Variants in PDE6B observed in about 807,000 individuals in gnomAD.
The protein encoded by PDE6B is rod cGMP-specific 3',5'-cyclic phosphodiesterase subunit beta.
A neutral mutation model predicts 109.0 loss-of-function variants in PDE6B; 106 were observed. The observed-to-expected ratio is 0.97, with a 90% confidence interval of 0.83 to 1.14. PDE6B has a LOEUF of 1.14. PDE6B is among the 50% of genes most tolerant of loss of function. PDE6B has a pLI of 0.00. For synonymous variants in PDE6B, 490 were observed against 471.3 expected (o/e 1.04, Z -0.51); for missense variants, 1,193 against 1,155.6 (o/e 1.03, Z -0.47).
At chr4:653,094 A>G (rs1735728048) in intron 3 of PDE6B, 2 of 779,230 alleles carry the variant, frequency 2.6e-6, no homozygotes, top group Admixed American at 6.2e-5. Context: ...GCAACAGGAG[A>G]GCCTGGTCCT....
intron 3 of PDE6B, among the ~76,000 whole-genome samples, chr4:645,722 T>C (rs886414987): frequency 1.3e-5 from 2 of 151,986 alleles, no homozygotes; most frequent in African/African-American, 4.8e-5. Flanking sequence ...CCTTCTCTGG[T>C]TTTAATTGAA....
intron 6 of PDE6B, 156 bp from the exon 7 acceptor site, chr4:655,784 C>G (rs996205643): frequency 5.8e-6 from 4 of 695,472 alleles, no homozygotes; most frequent in Admixed American, 2.0e-5. Context: ...TGCACACACA[C>G]GTGCAGCCCA....
rs903069114 is a variant in PDE6B at position 670,564 on chromosome 4, CTG to C, written c.*460_*461del. ...GCCTGTTTTTATAAACTGAAGCCAA[CTG>C]TGAATAAACTGTAGCCTACATTACT... is the stretch of plus-strand genomic sequence containing the variant. On this transcript the variant is annotated 3_prime_UTR_variant, in exon 22 of 22. Coordinates refer to ENST00000496514, the MANE Select transcript of PDE6B (RefSeq NM_000283.4). 3.1e-5 allele frequency: 7 copies of C among 225,112 alleles called. No homozygotes were observed. Among genetic ancestry groups the C allele is most frequent in the Admixed American group, 5.3e-5 (1 of 19,006 alleles). 13.9% of individuals were successfully genotyped at this position (225,112 alleles called of 1,614,324 possible).
chr4:626,119 A>G lies in PDE6B; in HGVS notation c.468+25A>G, dbSNP rs1157908484. 2 of 1,406,220 alleles carry G rather than the reference A, an allele frequency of 1.4e-6. No individual in the cohort carries two copies. Among genetic ancestry groups the G allele is most frequent in the African/African-American group, 1.4e-5 (1 of 70,622 alleles). 87.1% of individuals were successfully genotyped at this position (1,406,220 alleles called of 1,614,324 possible). ...GGTGGGTCTGTGCGGAGCCTCAGGG[A>G]GGCGGCTGTGTGCATCTCTTGCACC... On this transcript the variant is annotated intron_variant, in intron 1 of 21. Transcript: ENST00000496514. The surrounding 1 kb of genome is among the most constrained non-coding windows in gnomAD (Gnocchi z 4.6).
intron 10 of PDE6B, among the ~76,000 whole-genome samples, chr4:657,962 C>G (rs1362945358): frequency 1.5e-5 from 2 of 136,268 alleles, no homozygotes; most frequent in Non-Finnish European, 3.1e-5. Flanking sequence ...GGGGTCATGG[C>G]TGTGCAGCAG....
intron 12 of PDE6B, chr4:661,927 C>T (rs1265756732): frequency 1.6e-6 from 1 of 612,168 alleles, no homozygotes; most frequent in Non-Finnish European, 3.0e-6. Flanking sequence ...GGCTCCACCC[C>T]ATAGGTGCCA....
chr4:644,949 C>T (rs1445627825), intron 3 of PDE6B, among the ~76,000 whole-genome samples: 1 of 152,068 alleles, frequency 6.6e-6, no homozygotes, highest in Non-Finnish European at 1.5e-5. Context: ...CTTACAGCTC[C>T]ATCAGCTTTT....
intron 1 of PDE6B, among the ~76,000 whole-genome samples, chr4:634,356 G>A (rs1734535305): frequency 6.6e-6 from 1 of 152,194 alleles, no homozygotes; most frequent in Non-Finnish European, 1.5e-5. Context: ...CATCCAGGAA[G>A]CCCGACGTGG....
rs950872759 is a variant in PDE6B at position 633,758 on chromosome 4, G to A, written c.469-919G>A. On this transcript the variant is annotated intron_variant, in intron 1 of 21. Coordinates refer to ENST00000496514, the MANE Select transcript of PDE6B (RefSeq NM_000283.4). This position sits in a 1 kb window ranked among gnomAD's most constrained non-coding sequence, Gnocchi z 4.5. ...TCCGGAGCCGTCCACCTGGGTCACT[G>A]CCCCAGGGCACCCTGGCCTCATGTA... Among the ~76,000 whole-genome samples, 1 of 152,198 alleles carries A rather than the reference G, an allele frequency of 6.6e-6. No homozygotes were observed. The highest frequency in any genetic ancestry group is 1.5e-5 in the Non-Finnish European group (1 of 68,026).
At chr4:631,544 T>C (rs1734385098) in intron 1 of PDE6B, among the ~76,000 whole-genome samples, 1 of 151,924 alleles carries the variant, frequency 6.6e-6, no homozygotes, top group Non-Finnish European at 1.5e-5. Flanking sequence ...TTACATTGTG[T>C]GGATCCTTGT....
At chr4:654,387 C>T (rs1210302067) in intron 5 of PDE6B, 1 of 658,372 alleles carries the variant, frequency 1.5e-6, no homozygotes, top group Admixed American at 2.1e-5. Context: ...TCGTGAAGAC[C>T]CACGTCGGCT....
chr4:646,689 C>G (rs917353919), intron 3 of PDE6B, among the ~76,000 whole-genome samples: 6 of 152,016 alleles, frequency 3.9e-5, no homozygotes, highest in Non-Finnish European at 8.8e-5. Context: ...TCCTCAGACA[C>G]GCGCAGCCTC....
At chr4:644,693 C>G (rs1387077395) in intron 3 of PDE6B, among the ~76,000 whole-genome samples, 5 of 151,960 alleles carry the variant, frequency 3.3e-5, no homozygotes, top group African/African-American at 1.2e-4. Flanking sequence ...CCACGCCCAC[C>G]TACTTTTTAT....
chr4:664,321 G>A, intron 17 of PDE6B, 100 bp downstream of exon 17: 4 of 757,324 alleles, frequency 5.3e-6, no homozygotes, highest in South Asian at 4.2e-5. Context: ...ACGCTCTGGA[G>A]CAGGAAGAGC....
intron 3 of PDE6B, among the ~76,000 whole-genome samples, chr4:642,725 C>CAGAAAAAAAA (rs1553805595): frequency 4.6e-5 from 2 of 43,336 alleles, no homozygotes; most frequent in African/African-American, 1.9e-4. Flanking sequence ...GACACTGTCT[C>CAGAAAAAAAA]AAAAAAAAAA....
chr4:659,904 C>T (rs981616275), intron 11 of PDE6B, among the ~76,000 whole-genome samples: 3 of 152,144 alleles, frequency 2.0e-5, no homozygotes, highest in African/African-American at 4.8e-5. Flanking sequence ...CAGAATCTCC[C>T]GGGGCCACGA....
At chr4:644,706 T>TA (rs1430105384) in intron 3 of PDE6B, among the ~76,000 whole-genome samples, 2 of 151,886 alleles carry the variant, frequency 1.3e-5, no homozygotes, top group Admixed American at 6.6e-5. Flanking sequence ...CTTTTTATAT[T>TA]TTTAGTAGAG....
chr4:651,361 CA>C (rs1013705908), intron 3 of PDE6B, among the ~76,000 whole-genome samples: 2 of 151,976 alleles, frequency 1.3e-5, no homozygotes, highest in African/African-American at 2.4e-5. Flanking sequence ...GGTGGGTCCT[CA>C]GGGGGGGCCT....
chr4:650,795 G>A (rs1290719812), intron 3 of PDE6B, among the ~76,000 whole-genome samples: 2 of 152,188 alleles, frequency 1.3e-5, no homozygotes, highest in East Asian at 1.9e-4. Flanking sequence ...GAGGGCAGGG[G>A]GTGTTGACGG....
Sources: allele counts gnomAD v4.1 joint callset (sites outside exome capture counted in the v4.1 genomes callset), GRCh38; gene constraint gnomAD v4.1.1; non-coding constraint Gnocchi (gnomAD v3.1); transcripts MANE v1.5; gene names NCBI Gene and HGNC (gene_info 2026-07-23, HGNC 2026-07-21).